The following LPIN2 variants were observed in gnomAD, a reference collection of about 807,000 sequenced individuals.
LPIN2 encodes phosphatidate phosphatase LPIN2.
In LPIN2, 55 loss-of-function variants were observed where a neutral mutation model predicts 111.4. The observed-to-expected ratio is 0.49, with a 90% CI of 0.40 to 0.62. The LOEUF (loss-of-function observed/expected upper bound fraction) is 0.62. Among genes scored for constraint, LPIN2 ranks in the 20% least tolerant of loss-of-function variants. The probability of loss-of-function intolerance (pLI) is 0.00; values close to 1 mark genes in which losing one functional copy is unlikely to be tolerated. For missense variants in LPIN2, 992 were observed against 1,112.1 expected, an observed-to-expected ratio of 0.89 and a Z score of 1.54; for synonymous variants, 425 against 414.0, an observed-to-expected ratio of 1.03 and a Z score of -0.32.
rs1568505121 is a variant in LPIN2, at chr18:2,920,786, G to A, written c.2538C>T (p.Asn846=). ...GELIQERTKG[N]KSSYHRLSEL... Reference sequence around the variant, plus strand: ...GCTGAGAATGTACTTACGATGACTTGTTTCCTTTGGTTCTTTCTTGTATTA... The same window carrying A: ...GCTGAGAATGTACTTACGATGACTTATTTCCTTTGGTTCTTTCTTGTATTA... Residue 846 remains asparagine (N), a synonymous_variant, in exon 19 of 20, where the codon AAC becomes AAT. Coordinates refer to ENST00000677752, the MANE Select transcript of LPIN2 (RefSeq NM_001375808.2). 3 of 1,613,338 alleles carry A rather than the reference G, an allele frequency of 1.9e-6. No individual in the cohort carries two copies. The African/African-American group carries it at 4.0e-5, about 22-fold the overall frequency.
At chr18:2,953,702 T>C (rs1489907808) in intron 3 of LPIN2, among the ~76,000 whole-genome samples, 1 of 152,266 alleles carries the variant, frequency 6.6e-6, no homozygotes, top group Non-Finnish European at 1.5e-5. Flanking sequence ...GTATCCTTAA[T>C]AACTTGATGC....
Position 2,927,806 on chromosome 18 carries a change from T to A in LPIN2, c.1626A>T (p.Thr542=). 6.2e-7 allele frequency: 1 copy of A among 1,614,168 alleles called. No homozygotes were observed. The highest frequency in any genetic ancestry group is 8.5e-7 in the Non-Finnish European group (1 of 1,180,004). Residue 542 remains threonine (T), a synonymous_variant, in exon 12 of 20, where the codon ACA becomes ACT. Transcript: ENST00000677752. ...QVFQKSLPKA[T]VESWVKDKMP... ...TCTTGTCTTTCACCCAGGACTCAAC[T>A]GTGGCCTGAAAACAACCAACCTGGG...
At position 2,954,505 on chromosome 18, in the gene LPIN2, T is replaced by C. The variant is rs373747603; in HGVS notation, c.287A>G (p.Tyr96Cys). ...AFFVEETEEE[Y>C]EKLPAYLATS... is the part of the protein sequence containing the mutation. ...AGGGTGTAACCCATGCAAACTTACA[T>C]ATTCTTCTTCAGTCTCCTCAACAAA... The change falls in exon 3 of 20, where the codon TAT (tyrosine) becomes TGT (cysteine). Residue 96 changes from tyrosine (Y) to cysteine (C), a missense_variant and splice_region_variant. By Grantham distance (194) the Tyr-to-Cys change is radical. Coordinates refer to ENST00000677752, the MANE Select transcript of LPIN2 (RefSeq NM_001375808.2). The C allele has an allele frequency of 1.2e-6, 2 of 1,611,706 alleles. No individual in the cohort carries two copies. The highest frequency in any genetic ancestry group is 1.1e-5 in the South Asian group (1 of 91,014).
At chr18:2,946,499 C>T (rs1169724607) in intron 4 of LPIN2, 7 of 1,566,610 alleles carry the variant, frequency 4.5e-6, no homozygotes, top group East Asian at 4.5e-5. Context: ...AGGATCGAAG[C>T]GCTGACCGCA....
At chr18:2,927,919 A>C in intron 11 of LPIN2, 108 bp from the exon 12 acceptor site, 1 of 900,670 alleles carries the variant, frequency 1.1e-6, no homozygotes, top group South Asian at 1.3e-5. Flanking sequence ...TGAGAACGTG[A>C]CCGATGCTCT....
intron 1 of LPIN2, among the ~76,000 whole-genome samples, chr18:2,971,722 T>G (rs2077915942): frequency 1.4e-5 from 2 of 140,868 alleles, no homozygotes; most frequent in Non-Finnish European, 3.0e-5. Context: ...AAGAGGTAAG[T>G]GAAGATACAT....
In LPIN2 at chr18:2,988,614, G is replaced by C. The variant is rs368541379; in HGVS notation, c.-10+24473C>G. Among the ~76,000 whole-genome samples, 14 of 152,282 alleles carry C rather than the reference G, an allele frequency of 9.2e-5. No homozygotes were observed. The East Asian group carries it at 2.1e-3, about 23-fold the overall frequency. On this transcript the variant is annotated intron_variant, in intron 1 of 19. Coordinates refer to ENST00000677752, the MANE Select transcript of LPIN2 (RefSeq NM_001375808.2). ...AATTGCAATCTCCAGTGAGGGTAAA[G>C]CCTCAATGCACTAAGTAGTAAAAGA...
intron 16 of LPIN2, among the ~76,000 whole-genome samples, chr18:2,923,033 C>T (rs2077077984): frequency 6.6e-6 from 1 of 152,168 alleles, no homozygotes; most frequent in South Asian, 2.1e-4. Context: ...AACGCCATGG[C>T]ACGGCTATCT....
In LPIN2 at chr18:2,923,806, C is replaced by T; in HGVS notation, c.2143G>A (p.Gly715Ser). Residue 715 changes from glycine (G) to serine (S), a missense_variant, in exon 16 of 20, where the codon GGT becomes AGT. This residue lies in a region of LPIN2 where 31 missense variants were observed against 60.3 expected (regional missense o/e 0.51). Transcript: ENST00000677752. ...ATGGAATGGTAGAGCTTTGCTATACCCTGGTGGGTCCAGTCTTTGCCCAGC... is the reference window on the plus strand; with the variant it reads ...ATGGAATGGTAGAGCTTTGCTATACTCTGGTGGGTCCAGTCTTTGCCCAGC... The part of the protein sequence containing the change: ...PQLGKDWTHQ[G>S]IAKLYHSINE... The T allele has an allele frequency of 6.2e-7, 1 of 1,614,134 alleles. No individual in the cohort carries two copies. The highest frequency in any genetic ancestry group is 2.2e-5 in the East Asian group (1 of 44,886).
intron 19 of LPIN2, 66 bp from the exon 20 acceptor site, chr18:2,920,503 G>A: frequency 6.4e-7 from 1 of 1,570,088 alleles, no homozygotes. Context: ...CACAAGATGG[G>A]GGGCTGTGAA....
chr18:2,939,641 C>T (rs1380284918), intron 5 of LPIN2, 38 bp from the exon 6 acceptor site: 6 of 1,607,840 alleles, frequency 3.7e-6, no homozygotes, highest in South Asian at 2.2e-5. Flanking sequence ...ACTTGAAAGT[C>T]GGGAAACCTT....
At position 2,925,213 on chromosome 18, in the gene LPIN2, G is replaced by C. The variant is rs761288505; in HGVS notation, c.1938+11C>G. On this transcript the variant is annotated intron_variant, in intron 14 of 19. Transcript: ENST00000677752. The surrounding 1 kb of genome is among the most constrained non-coding windows in gnomAD (Gnocchi z 4.1). The stretch of plus-strand genomic sequence containing the variant: ...AGTCCTACTGGACAACACAGATCAT[G>C]CAAGACTCACGATCTGGTCTGAGGA... 1.9e-6 allele frequency: 3 copies of C among 1,614,082 alleles called. No individual in the cohort carries two copies. The South Asian group carries it at 3.3e-5, about 18-fold the overall frequency.
chr18:2,930,083 C>T (rs1276358896), intron 9 of LPIN2, among the ~76,000 whole-genome samples: 1 of 152,182 alleles, frequency 6.6e-6, no homozygotes, highest in East Asian at 1.9e-4. Flanking sequence ...TGTTCCTAAA[C>T]CTGTATTCTC....
chr18:2,920,736 C>T (rs1249892994), intron 19 of LPIN2, 42 bp downstream of exon 19: 3 of 1,490,652 alleles, frequency 2.0e-6, no homozygotes, highest in Non-Finnish European at 2.8e-6. Context: ...AACTGTACCC[C>T]TGGCTGCAGG....
rs1345873795 is a variant in LPIN2, at chr18:2,960,832, A to G, written c.9T>C (p.Tyr3=). Residue 3 remains tyrosine (Y), a synonymous_variant, in exon 2 of 20, where the codon TAT becomes TAC. Coordinates refer to ENST00000677752, the MANE Select transcript of LPIN2 (RefSeq NM_001375808.2). ...TCACCTGCCCAGCCAGCTGTCCCAC[A>G]TAATTCATGGTTTGAGACTACAAGA... The part of the protein sequence containing the change: MN[Y]VGQLAGQVIV... 1 of 1,613,856 alleles carries G rather than the reference A, an allele frequency of 6.2e-7. No homozygotes were observed. The highest frequency in any genetic ancestry group is 1.3e-5 in the African/African-American group (1 of 74,920).
rs111233417 is a variant in LPIN2, at chr18:3,003,841, C to T, written c.-10+9246G>A. The stretch of plus-strand genomic sequence containing the variant: ...CATAAGGTCTGACTGCCTGCGGGGT[C>T]GGGCAGAATACAGCCATATTTTTCT... On this transcript the variant is annotated intron_variant, in intron 1 of 19. Transcript: ENST00000677752. 3.1e-3 allele frequency among the ~76,000 whole-genome samples: 479 copies of T among 152,182 alleles called. 3 individuals carry two copies. Among genetic ancestry groups the T allele is most frequent in the African/African-American group, 0.011 (447 of 41,504 alleles).
chr18:2,986,101 T>C (rs184293200), intron 1 of LPIN2, among the ~76,000 whole-genome samples: 1 of 152,374 alleles, frequency 6.6e-6, no homozygotes, highest in East Asian at 1.9e-4. Context: ...CACCAAAGCA[T>C]ATGAAGTGTT....
intron 1 of LPIN2, chr18:2,966,900 A>G (rs896776183): frequency 1.3e-5 from 2 of 152,214 alleles, no homozygotes; most frequent in South Asian, 2.1e-4. Flanking sequence ...GCTCATGGAC[A>G]TGAGGAGTAT....
intron 1 of LPIN2, among the ~76,000 whole-genome samples, chr18:2,988,349 T>C (rs2078217097): frequency 6.6e-6 from 1 of 152,244 alleles, no homozygotes; most frequent in Non-Finnish European, 1.5e-5. Flanking sequence ...TTTCACAATG[T>C]TTAGAAATTC....
Sources: allele counts gnomAD v4.1 joint callset (sites outside exome capture counted in the v4.1 genomes callset), GRCh38; gene constraint gnomAD v4.1.1; regional missense constraint gnomAD v4.1.1; non-coding constraint Gnocchi (gnomAD v3.1); transcripts MANE v1.5; gene names NCBI Gene and HGNC (gene_info 2026-07-23, HGNC 2026-07-21).